TMEM38B: variants seen among roughly 807,000 people sequenced by gnomAD.
TMEM38B encodes the protein transmembrane protein 38B, also known as trimeric intracellular cation channel type B.
Under a neutral mutation model 28.7 loss-of-function variants are expected in TMEM38B, and 24 were observed. The ratio of observed to expected loss-of-function variants is 0.84; its 90% CI spans 0.61 to 1.18. The LOEUF (loss-of-function observed/expected upper bound fraction) is 1.18, where lower values mean the gene tolerates loss of function less well. TMEM38B is among the 50% of genes most tolerant of loss of function. TMEM38B has a pLI of 0.00. For missense variants in TMEM38B, 380 were observed against 350.9 expected (o/e 1.08, Z -0.66); for synonymous variants, 131 against 127.7 (o/e 1.03, Z -0.17).
chr9:105,708,399 C>G (rs987334719), intron 2 of TMEM38B, among the ~76,000 whole-genome samples: 3 of 152,070 alleles, frequency 2.0e-5, no homozygotes, highest in Admixed American at 6.5e-5. Context: ...TATAGGGGCT[C>G]TCACATTCAC....
intron 4 of TMEM38B, among the ~76,000 whole-genome samples, chr9:105,732,843 G>C (rs999307876): frequency 7.2e-5 from 11 of 152,082 alleles, no homozygotes; most frequent in Admixed American, 5.2e-4. Flanking sequence ...GAATTCTGTG[G>C]AGAAAGTCAT....
At chr9:105,715,931 A>G (rs559526099) in intron 2 of TMEM38B, among the ~76,000 whole-genome samples, 2 of 152,086 alleles carry the variant, frequency 1.3e-5, no homozygotes, top group Non-Finnish European at 2.9e-5. Flanking sequence ...ATAACTTTGT[A>G]TAGGATTTGA....
chr9:105,697,616 C>T (rs911898413), intron 1 of TMEM38B, among the ~76,000 whole-genome samples: 6 of 151,624 alleles, frequency 4.0e-5, no homozygotes, highest in African/African-American at 1.5e-4. Context: ...AGGTTATTGT[C>T]TTCTATTTAC....
At chr9:105,696,113 G>C (rs1037636686) in intron 1 of TMEM38B, among the ~76,000 whole-genome samples, 1 of 152,088 alleles carries the variant, frequency 6.6e-6, no homozygotes, top group Non-Finnish European at 1.5e-5. Flanking sequence ...GTGTACAGTG[G>C]AGTTTTCCAG....
At chr9:105,703,627 A>T (rs577768657) in intron 1 of TMEM38B, among the ~76,000 whole-genome samples, 2 of 152,210 alleles carry the variant, frequency 1.3e-5, no homozygotes, top group African/African-American at 4.8e-5. Context: ...CGCCACACTG[A>T]CTTCCACAAT....
intron 2 of TMEM38B, among the ~76,000 whole-genome samples, chr9:105,716,079 A>G (rs1744592678): frequency 6.6e-6 from 1 of 152,020 alleles, no homozygotes; most frequent in Non-Finnish European, 1.5e-5. Flanking sequence ...CTGCTTTTTG[A>G]TATTTCTTGG....
In TMEM38B at chr9:105,722,551, A is replaced by G. The variant is rs762056363; in HGVS notation, c.472A>G (p.Ile158Val). 16 of 1,613,518 alleles carry G rather than the reference A, an allele frequency of 9.9e-6. No homozygotes were observed. The African/African-American group carries it at 1.6e-4, about 16-fold the overall frequency. Residue 158 changes from isoleucine (I) to valine (V), a missense_variant, in exon 4 of 6, where the codon ATA becomes GTA. Ile to Val is a conservative substitution (Grantham distance 29). Transcript: ENST00000374692. ...ATTTTTAGGTGCAGGTGGTACCATT[A>G]TAACGAATTTTGAGAGGTTGGTAAA... ...GWARGAGGTI[I>V]TNFERLVKGD... is the part of the protein sequence containing the mutation.
At chr9:105,706,334 A>G (rs1835664087) in intron 2 of TMEM38B, among the ~76,000 whole-genome samples, 1 of 152,170 alleles carries the variant, frequency 6.6e-6, no homozygotes, top group African/African-American at 2.4e-5. Context: ...GCTATGTGCA[A>G]GACTGCAAGT....
chr9:105,734,132 T>C (rs1026836904), intron 4 of TMEM38B, among the ~76,000 whole-genome samples: 1 of 152,150 alleles, frequency 6.6e-6, no homozygotes, highest in African/African-American at 2.4e-5. Flanking sequence ...AGTATTGGTA[T>C]ATCTTATTTC....
chr9:105,749,391 G>C (rs1244632185), intron 5 of TMEM38B: 1 of 184,630 alleles, frequency 5.4e-6, no homozygotes, highest in Non-Finnish European at 1.1e-5. Context: ...GCAGGCAAGA[G>C]AGCTTGTGCA....
At chr9:105,738,314 T>C (rs372945009) in intron 4 of TMEM38B, among the ~76,000 whole-genome samples, 18 of 152,076 alleles carry the variant, frequency 1.2e-4, no homozygotes, top group African/African-American at 4.1e-4. Flanking sequence ...AAGAGAGAAG[T>C]CCCTCCTGGT....
intron 5 of TMEM38B, among the ~76,000 whole-genome samples, chr9:105,750,345 C>T (rs57288965): frequency 0.034 from 5,224 of 151,974 alleles, 235 homozygotes; most frequent in African/African-American, 0.1. Context: ...TGTTGAAGGC[C>T]GGGCACAGTG....
chr9:105,746,656 A>G (rs1343553795), intron 4 of TMEM38B, among the ~76,000 whole-genome samples: 2 of 152,124 alleles, frequency 1.3e-5, no homozygotes, highest in South Asian at 2.1e-4. Flanking sequence ...GTCTTGTGCC[A>G]GTTTTCACAG....
chr9:105,718,006 A>G (rs1836172627), intron 2 of TMEM38B, among the ~76,000 whole-genome samples: 1 of 152,180 alleles, frequency 6.6e-6, no homozygotes, highest in South Asian at 2.1e-4. Flanking sequence ...TAACTTGCCT[A>G]AGGTGTCACA....
At chr9:105,722,766 CA>C in intron 4 of TMEM38B, 145 bp downstream of exon 4, 1 of 583,388 alleles carries the variant, frequency 1.7e-6, no homozygotes, top group South Asian at 2.9e-5. Flanking sequence ...AGAGAACTAG[CA>C]AATTTTGTTC....
Position 105,694,628 on chromosome 9 carries a change from C to T in TMEM38B, c.-33C>T, listed in dbSNP as rs1384171243. 6.3e-7 allele frequency: 1 copy of T among 1,584,786 alleles called. No homozygotes were observed. The highest frequency in any genetic ancestry group is 1.1e-5 in the South Asian group (1 of 90,416). On this transcript the variant is annotated 5_prime_UTR_variant, in exon 1 of 6. Coordinates refer to ENST00000374692, the MANE Select transcript of TMEM38B (RefSeq NM_018112.3). Reference sequence around the variant, plus strand: ...CGCGAGCGCGGGGAACCAGTAGCCGCGGCTGCTTCGGTTGCCGCGGTCGGT... The same window carrying T: ...CGCGAGCGCGGGGAACCAGTAGCCGTGGCTGCTTCGGTTGCCGCGGTCGGT...
intron 4 of TMEM38B, among the ~76,000 whole-genome samples, chr9:105,725,241 A>G (rs1172134344): frequency 6.6e-6 from 1 of 151,602 alleles, no homozygotes; most frequent in African/African-American, 2.4e-5. Flanking sequence ...ATGTTATGTA[A>G]TTTACTTAAT....
intron 2 of TMEM38B, among the ~76,000 whole-genome samples, chr9:105,709,771 C>G (rs1188238674): frequency 6.6e-6 from 1 of 152,128 alleles, no homozygotes; most frequent in East Asian, 1.9e-4. Flanking sequence ...GCCAACAAAG[C>G]CAATGATTAA....
chr9:105,720,259 G>T (rs527343344), intron 2 of TMEM38B, among the ~76,000 whole-genome samples: 1 of 152,124 alleles, frequency 6.6e-6, no homozygotes, highest in African/African-American at 2.4e-5. Flanking sequence ...TCATCATGCT[G>T]AGTTTTAGGT....
Sources: allele counts gnomAD v4.1 joint callset (sites outside exome capture counted in the v4.1 genomes callset), GRCh38; gene constraint gnomAD v4.1.1; transcripts MANE v1.5; gene names NCBI Gene and HGNC (gene_info 2026-07-23, HGNC 2026-07-21).